CIB1: variants seen among roughly 807,000 people sequenced by gnomAD.
CIB1 encodes the protein calcium and integrin-binding protein 1.
A neutral mutation model predicts 25.0 loss-of-function variants in CIB1; 19 were observed. The observed-to-expected ratio is 0.76, with a 90% CI of 0.53 to 1.12. The LOEUF (loss-of-function observed/expected upper bound fraction) is 1.12. Among genes scored for constraint, CIB1 ranks in the 50% most tolerant of loss-of-function variants. The probability of loss-of-function intolerance (pLI) is 0.00; values close to 1 mark genes in which losing one functional copy is unlikely to be tolerated. For synonymous variants in CIB1, 104 were observed against 98.5 expected (o/e 1.06, Z -0.33); for missense variants, 236 against 242.6 (o/e 0.97, Z 0.18).
rs745539161 is a variant in CIB1 at position 90,231,152 on chromosome 15, C to G, written c.408G>C (p.Thr136=). 4 of 1,614,222 alleles carry G rather than the reference C, an allele frequency of 2.5e-6. No homozygotes were observed. The highest frequency in any genetic ancestry group is 3.4e-6 in the Non-Finnish European group (4 of 1,180,044). Residue 136 remains threonine, a synonymous_variant, in exon 5 of 7, where the codon ACG becomes ACC. Coordinates refer to ENST00000328649, the MANE Select transcript of CIB1 (RefSeq NM_006384.4). ...TAAGCCGTGTGTCCTCGCCCTCTCC[C>G]GTGAGGCAGTTCACCAGCCGGCTCA... The part of the protein sequence containing the change: ...EDLSRLVNCL[T]GEGEDTRLSA...
the CIB1 span, chr15:90,256,096 C>T: frequency 6.2e-7 from 1 of 1,604,258 alleles, no homozygotes; most frequent in Admixed American, 1.7e-5. Context: ...CCCGGGAAAG[C>T]CTTGATGCAC....
the CIB1 span, chr15:90,256,050 A>G: frequency 0.28 from 438,871 of 1,555,318 alleles, 69,784 homozygotes; most frequent in East Asian, 0.66. Flanking sequence ...CTCCAGGAAG[A>G]GCATGGACTA....
chr15:90,251,133 A>G, the CIB1 span, among the ~76,000 whole-genome samples: 1 of 36,670 alleles, frequency 2.7e-5, no homozygotes, highest in Non-Finnish European at 4.9e-5. Context: ...TTTTTTTTTG[A>G]GACAGAGTCT....
the CIB1 span, chr15:90,241,984 T>G: frequency 6.2e-7 from 1 of 1,614,180 alleles, no homozygotes; most frequent in Non-Finnish European, 8.5e-7. Context: ...GTGGCCCTCA[T>G]TCAGGACTGT....
chr15:90,258,594 G>C, the CIB1 span: 4 of 681,886 alleles, frequency 5.9e-6, no homozygotes, highest in Non-Finnish European at 7.5e-6. Context: ...CTATGGCAGA[G>C]TTTTGTGGCC....
chr15:90,252,043 C>CTTTTTTTTTTTTTT, the CIB1 span, among the ~76,000 whole-genome samples: 21 of 133,458 alleles, frequency 1.6e-4, no homozygotes, highest in African/African-American at 2.7e-4. Context: ...TCACCTAATT[C>CTTTTTTTTTTTTTT]TTTTTTTTTT....
At chr15:90,259,057 A>C in the CIB1 span, 1 of 1,510,748 alleles carries the variant, frequency 6.6e-7, no homozygotes, top group Non-Finnish European at 8.9e-7. Context: ...TAATATGTTC[A>C]TATTTGCATT....
At chr15:90,252,913 G>T in the CIB1 span, among the ~76,000 whole-genome samples, 1 of 152,180 alleles carries the variant, frequency 6.6e-6, no homozygotes, top group African/African-American at 2.4e-5. Context: ...TGAGGCACGA[G>T]AATCTCTTGA....
At chr15:90,234,035 G>C, upstream of CIB1, 1 of 898,850 alleles carries the variant, frequency 1.1e-6, no homozygotes, top group Non-Finnish European at 1.6e-6. Flanking sequence ...AAAGCTGCCA[G>C]GCGTTCCCAG....
chr15:90,250,482 C>T, the CIB1 span: 2 of 903,106 alleles, frequency 2.2e-6, no homozygotes, highest in Non-Finnish European at 3.3e-6. Context: ...CTCAGTGAAA[C>T]AGTTTTGTCC....
At chr15:90,253,251 C>T in the CIB1 span, 443 of 1,613,142 alleles carry the variant, frequency 2.7e-4, 1 homozygote, top group South Asian at 6.6e-4. Flanking sequence ...CTCTGCAGTG[C>T]GTCGGGCAGC....
chr15:90,234,030 T>C, upstream of CIB1: 1 of 954,384 alleles, frequency 1.0e-6, no homozygotes, highest in South Asian at 2.0e-5. Context: ...TCCTAAAAGC[T>C]GCCAGGCGTT....
At chr15:90,258,430 T>C in the CIB1 span, 1 of 688,134 alleles carries the variant, frequency 1.5e-6, no homozygotes, top group Non-Finnish European at 2.5e-6. Context: ...CTCTACCCTT[T>C]TGACCTGCTG....
At chr15:90,260,290 G>A in the CIB1 span, among the ~76,000 whole-genome samples, 2 of 152,046 alleles carry the variant, frequency 1.3e-5, no homozygotes, top group Admixed American at 6.6e-5. Flanking sequence ...TTGAGCTCAC[G>A]AGTTTGAGAC....
At chr15:90,257,124 T>G in the CIB1 span, 2 of 1,610,264 alleles carry the variant, frequency 1.2e-6, no homozygotes, top group African/African-American at 1.3e-5. Flanking sequence ...CCTCATGGGT[T>G]TGCATGCTCC....
the CIB1 span, chr15:90,250,870 G>C: frequency 1.9e-6 from 3 of 1,613,658 alleles, no homozygotes; most frequent in African/African-American, 4.0e-5. Context: ...GGAGGAGGAA[G>C]AGAAGGCGGA....
chr15:90,230,152 T>G lies in CIB1; in HGVS notation c.*332A>C. 5.6e-6 allele frequency: 2 copies of G among 359,876 alleles called. No individual in the cohort carries two copies. Among genetic ancestry groups the G allele is most frequent in the Non-Finnish European group, 1.0e-5 (2 of 194,186 alleles). 22.3% of individuals were successfully genotyped at this position (359,876 alleles called of 1,614,324 possible). On this transcript the variant is annotated 3_prime_UTR_variant, in exon 7 of 7. Transcript: ENST00000328649. ...GGTGCGGCTTGACTTCCCGCTGGCC[T>G]CTGCTCGATATGCTGCTTATTCCTA...
chr15:90,231,488 C>T lies in CIB1; in HGVS notation c.215G>A (p.Arg72Gln), dbSNP rs775605318. The T allele has an allele frequency of 4.3e-6, 7 of 1,613,960 alleles. No individual in the cohort carries two copies. The Admixed American group carries it at 5.0e-5, about 12-fold the overall frequency. Residue 72 changes from arginine (R) to glutamine (Q), a missense_variant, in exon 4 of 7, where the codon CGA (arginine) becomes CAA (glutamine). Arg to Gln is a conservative substitution (Grantham distance 43, BLOSUM62 1). Transcript: ENST00000328649. ...GGATGTGGAGAAGACCCTGCAGATT[C>T]GCTCCTTGAAGGGGTTGGCCTAGGA... ...PELKANPFKE[R>Q]ICRVFSTSPA...
the CIB1 span, chr15:90,249,768 G>A: frequency 6.6e-6 from 1 of 152,140 alleles, no homozygotes; most frequent in Non-Finnish European, 1.5e-5. Flanking sequence ...AGGCGGCTAG[G>A]GGCGGACCCA....
Sources: allele counts gnomAD v4.1 joint callset (sites outside exome capture counted in the v4.1 genomes callset), GRCh38; gene constraint gnomAD v4.1.1; transcripts MANE v1.5; gene names NCBI Gene and HGNC (gene_info 2026-07-23, HGNC 2026-07-21).